The following GRM7 variants were observed in gnomAD, a reference collection of about 807,000 sequenced individuals.
GRM7 encodes glutamate metabotropic receptor 7.
Under a neutral mutation model 84.5 loss-of-function variants are expected in GRM7, and 35 were observed. The ratio of observed to expected loss-of-function variants is 0.41; its 90% CI spans 0.32 to 0.55. The LOEUF is 0.55. Among genes scored for constraint, GRM7 ranks in the 20% least tolerant of loss-of-function variants. The pLI, the probability that GRM7 is intolerant of heterozygous loss-of-function variation, is 0.19. For missense variants in GRM7, 1,003 were observed against 1,194.6 expected (o/e 0.84, Z 2.36); for synonymous variants, 487 against 455.1 (o/e 1.07, Z -0.89).
chr3:7,259,502 A>G (rs994152100), intron 2 of GRM7, among the ~76,000 whole-genome samples: 24 of 152,050 alleles, frequency 1.6e-4, no homozygotes, highest in Admixed American at 2.0e-4. Flanking sequence ...ATGTGTTCTC[A>G]TCATTTAGCC....
At chr3:7,648,354 A>G (rs1004432873) in intron 8 of GRM7, among the ~76,000 whole-genome samples, 1 of 152,064 alleles carries the variant, frequency 6.6e-6, no homozygotes, top group African/African-American at 2.4e-5. Flanking sequence ...CTGGGACACA[A>G]GAAGGATCAA....
chr3:6,891,248 G>A (rs1275054985), intron 1 of GRM7, among the ~76,000 whole-genome samples: 9 of 152,012 alleles, frequency 5.9e-5, no homozygotes, highest in Admixed American at 5.9e-4. Flanking sequence ...AGTTAATATT[G>A]TTATGTGTGA....
At chr3:6,938,631 A>G (rs1697776547) in intron 1 of GRM7, among the ~76,000 whole-genome samples, 2 of 152,152 alleles carry the variant, frequency 1.3e-5, no homozygotes, top group African/African-American at 4.8e-5. Context: ...GGCAGTGAAG[A>G]AAGGAGGGAG....
At chr3:7,426,433 T>C (rs1489903899) in intron 5 of GRM7, among the ~76,000 whole-genome samples, 1 of 152,196 alleles carries the variant, frequency 6.6e-6, no homozygotes, top group African/African-American at 2.4e-5. Flanking sequence ...TAGAGGTGTC[T>C]GCATTTTTCT....
intron 7 of GRM7, among the ~76,000 whole-genome samples, chr3:7,506,326 C>T (rs1030525613): frequency 6.6e-6 from 1 of 152,178 alleles, no homozygotes; most frequent in African/African-American, 2.4e-5. Flanking sequence ...TAAGTAATCT[C>T]TAAGGTCCAG....
chr3:7,018,961 A>G (rs894204015), intron 1 of GRM7, among the ~76,000 whole-genome samples: 1 of 152,092 alleles, frequency 6.6e-6, no homozygotes, highest in Non-Finnish European at 1.5e-5. Flanking sequence ...GCCAGGCGTC[A>G]TGGCGCATGC....
chr3:6,862,038 A>G lies in GRM7; in HGVS notation c.519+131A>G. The G allele has an allele frequency of 1.4e-6, 1 of 707,260 alleles. No homozygotes were observed. The highest frequency in any genetic ancestry group is 1.9e-5 in the South Asian group (1 of 53,102). The allele number at this position is 707,260 out of a possible 1,614,324, so 43.8% of individuals were successfully genotyped here. On this transcript the variant is annotated intron_variant, in intron 1 of 9. Coordinates refer to ENST00000357716, the MANE Select transcript of GRM7 (RefSeq NM_000844.4). This position sits in a 1 kb window ranked among gnomAD's most constrained non-coding sequence, Gnocchi z 5.2. ...CATTTCCTCCCTGGAGATCCTGCCGAATCCCTCCCACCCCGCTCGAGGAGA... is the reference window on the plus strand; with the variant it reads ...CATTTCCTCCCTGGAGATCCTGCCGGATCCCTCCCACCCCGCTCGAGGAGA...
At chr3:7,387,371 A>G (rs942454676) in intron 4 of GRM7, among the ~76,000 whole-genome samples, 10 of 152,330 alleles carry the variant, frequency 6.6e-5, no homozygotes, top group South Asian at 4.1e-4. Flanking sequence ...GCCTAGGCCA[A>G]TGCCTAGAAG....
At chr3:7,034,035 T>C (rs1413014324) in intron 1 of GRM7, among the ~76,000 whole-genome samples, 1 of 152,164 alleles carries the variant, frequency 6.6e-6, no homozygotes, top group Admixed American at 6.5e-5. Context: ...TTTCATTTAA[T>C]GGTCATTATG....
chr3:7,242,369 G>A (rs546635486), intron 2 of GRM7, among the ~76,000 whole-genome samples: 1 of 152,294 alleles, frequency 6.6e-6, no homozygotes, highest in East Asian at 1.9e-4. Context: ...ATTTGGAATG[G>A]TCTTTCTCAC....
At chr3:7,629,276 G>A (rs1409382358) in intron 8 of GRM7, among the ~76,000 whole-genome samples, 1 of 152,182 alleles carries the variant, frequency 6.6e-6, no homozygotes, top group African/African-American at 2.4e-5. Context: ...ATATTAGTCA[G>A]CTCAGTCTGA....
chr3:7,700,105 G>T (rs1292889257), intron 9 of GRM7, among the ~76,000 whole-genome samples: 1 of 152,168 alleles, frequency 6.6e-6, no homozygotes, highest in African/African-American at 2.4e-5. Flanking sequence ...AATCATCTAG[G>T]ACTTTTGGGA....
chr3:7,108,508 T>G (rs1282523638), intron 1 of GRM7, among the ~76,000 whole-genome samples: 3 of 149,060 alleles, frequency 2.0e-5, no homozygotes, highest in South Asian at 2.2e-4. Flanking sequence ...TTTTTTTTTT[T>G]GCTGCTTTTC....
intron 7 of GRM7, among the ~76,000 whole-genome samples, chr3:7,535,488 AGG>A (rs1015230114): frequency 3.3e-5 from 5 of 152,224 alleles, no homozygotes; most frequent in Admixed American, 2.0e-4. Flanking sequence ...GGTAGGCCCA[AGG>A]GAAGCTCAGA....
chr3:6,881,921 TTGTGTGTGTGTG>T lies in GRM7; in HGVS notation c.519+20036_519+20047del, dbSNP rs3060190. ...GATCGATTAGTCTAAGGCAATTGAA[TTGTGTGTGTGTG>T]TGTGTGTGTGTGTGTGTGTGTATTA... On this transcript the variant is annotated intron_variant, in intron 1 of 9. Coordinates refer to ENST00000357716, the MANE Select transcript of GRM7 (RefSeq NM_000844.4). 2.6e-3 allele frequency among the ~76,000 whole-genome samples: 383 copies of T among 144,704 alleles called. 1 individual carries two copies. The highest frequency in any genetic ancestry group is 9.3e-3 in the African/African-American group (367 of 39,380). The allele number at this position is 144,704 out of a possible 152,430, so 94.9% of individuals were successfully genotyped here. A position where few individuals can be genotyped will look rare whatever the true frequency, so the allele number is the denominator to read the frequency against.
chr3:7,433,637 A>G (rs1298317229), intron 5 of GRM7, among the ~76,000 whole-genome samples: 1 of 152,228 alleles, frequency 6.6e-6, no homozygotes, highest in Non-Finnish European at 1.5e-5. Flanking sequence ...TCTATAGGTC[A>G]TGATCCAAGT....
chr3:7,381,483 C>G (rs1694588868), intron 4 of GRM7, among the ~76,000 whole-genome samples: 2 of 151,996 alleles, frequency 1.3e-5, no homozygotes, highest in Non-Finnish European at 2.9e-5. Context: ...GGGAGGCAAG[C>G]ATTAAACATT....
chr3:7,023,178 G>T (rs964490440), intron 1 of GRM7, among the ~76,000 whole-genome samples: 1 of 152,092 alleles, frequency 6.6e-6, no homozygotes. Context: ...AAAAGTGTCC[G>T]GGCCTGGTGA....
intron 2 of GRM7, among the ~76,000 whole-genome samples, chr3:7,183,228 A>C (rs1695402635): frequency 1.3e-5 from 2 of 152,228 alleles, no homozygotes; most frequent in Admixed American, 1.3e-4. Flanking sequence ...CTAGGAAGTT[A>C]AGAAAGAACC....
Sources: allele counts gnomAD v4.1 joint callset (sites outside exome capture counted in the v4.1 genomes callset), GRCh38; gene constraint gnomAD v4.1.1; non-coding constraint Gnocchi (gnomAD v3.1); transcripts MANE v1.5; gene names NCBI Gene and HGNC (gene_info 2026-07-23, HGNC 2026-07-21).